Variants in GBP7 observed in about 807,000 individuals in gnomAD.
GBP7 encodes guanylate-binding protein 7.
In GBP7, 43 loss-of-function variants were observed where a neutral mutation model predicts 61.3. The ratio of observed to expected loss-of-function variants is 0.70; its 90% CI spans 0.55 to 0.91. The LOEUF is 0.91. GBP7 is among the 40% of genes least tolerant of loss of function. GBP7 has a pLI of 0.00. For missense variants in GBP7, 717 were observed against 740.5 expected (o/e 0.97, Z 0.37); for synonymous variants, 267 against 271.0 (o/e 0.99, Z 0.14).
chr1:89,140,491 A>G (rs1681913764), intron 9 of GBP7, among the ~76,000 whole-genome samples: 1 of 152,054 alleles, frequency 6.6e-6, no homozygotes, highest in Admixed American at 6.6e-5. Flanking sequence ...GGTAGAAAGC[A>G]CATGAGATAT....
In GBP7 at chr1:89,164,952, G is replaced by A; in HGVS notation, c.191-94C>T. On this transcript the variant is annotated intron_variant, in intron 2 of 10. Coordinates refer to ENST00000294671, the MANE Select transcript of GBP7 (RefSeq NM_207398.3). ...AAATGTATAGGAACGTTAAGTTCCT[G>A]GCAGGGGAAACGGGTTGCTTCCATT... 4 of 1,269,166 alleles carry A rather than the reference G, an allele frequency of 3.2e-6. No homozygotes were observed. The South Asian group carries it at 4.1e-5, about 13-fold the overall frequency. The allele number at this position is 1,269,166 out of a possible 1,614,324, so 78.6% of individuals were successfully genotyped here.
intron 3 of GBP7, among the ~76,000 whole-genome samples, chr1:89,159,125 T>C (rs1682378485): frequency 6.6e-6 from 1 of 152,212 alleles, no homozygotes; most frequent in Non-Finnish European, 1.5e-5. Flanking sequence ...GATTCCCTAT[T>C]TGATAAATGG....
At chr1:89,161,354 C>A (rs1010483225) in intron 3 of GBP7, among the ~76,000 whole-genome samples, 1 of 152,134 alleles carries the variant, frequency 6.6e-6, no homozygotes, top group Non-Finnish European at 1.5e-5. Context: ...GCCACACTGT[C>A]TCCCACAATG....
chr1:89,172,373 A>G (rs1207564620), intron 1 of GBP7, among the ~76,000 whole-genome samples: 1 of 152,044 alleles, frequency 6.6e-6, no homozygotes, highest in Non-Finnish European at 1.5e-5. Context: ...TTTAGTCATT[A>G]TGTTTCTGTA....
At chr1:89,156,196 G>C (rs534074449) in intron 3 of GBP7, among the ~76,000 whole-genome samples, 121 of 152,328 alleles carry the variant, frequency 7.9e-4, no homozygotes, top group Non-Finnish European at 1.6e-3. Context: ...AAGAACTCCT[G>C]AAGGAAGCAC....
chr1:89,168,768 C>G (rs1647511455), intron 2 of GBP7, among the ~76,000 whole-genome samples: 1 of 150,282 alleles, frequency 6.7e-6, no homozygotes, highest in African/African-American at 2.5e-5. Context: ...AACCCTGTCT[C>G]TACTAAAAAT....
intron 3 of GBP7, among the ~76,000 whole-genome samples, chr1:89,163,473 A>G (rs1285944327): frequency 4.0e-5 from 6 of 151,434 alleles, no homozygotes; most frequent in African/African-American, 1.5e-4. Context: ...TCAGGGATTC[A>G]ATTTCTTCCC....
chr1:89,150,191 G>T, intron 6 of GBP7, 139 bp downstream of exon 6: 4 of 758,294 alleles, frequency 5.3e-6, no homozygotes, highest in Non-Finnish European at 8.6e-6. Context: ...CCCTCACTGA[G>T]AAAAAATCCT....
At position 89,164,915 on chromosome 1, in the gene GBP7, C is replaced by T. The variant is rs1647380793; in HGVS notation, c.191-57G>A. On this transcript the variant is annotated intron_variant, in intron 2 of 10. Transcript: ENST00000294671. ...GACAGCAGAATCCAGGCAGACAAGG[C>T]CTATACCAGTTAAATGTATAGGAAC... 2.5e-6 allele frequency: 4 copies of T among 1,572,862 alleles called. No individual in the cohort carries two copies. In the East Asian group the frequency reaches 9.1e-5, roughly 36 times the overall value.
Position 89,171,931 on chromosome 1 carries a change from G to A in GBP7, c.5C>T (p.Ala2Val), listed in dbSNP as rs763770450. The A allele has an allele frequency of 1.5e-5, 24 of 1,611,656 alleles. No individual in the cohort carries two copies. The South Asian group carries it at 2.2e-4, about 15-fold the overall frequency. The change falls in exon 2 of 11, where the codon GCA becomes GTA. Residue 2 changes from alanine (A) to valine (V), a missense_variant. Physicochemically the swap from Ala to Val is moderately conservative, Grantham distance 64. Around this residue, in one of 3 missense-constraint regions of GBP7, gnomAD observed 387 missense variants for 385.2 expected, o/e 1.00. Coordinates refer to ENST00000294671, the MANE Select transcript of GBP7 (RefSeq NM_207398.3). M[A>V]SEIHMPGPVC... ...TGGGCCTGGCATGTGGATCTCTGAT[G>A]CCATGTTCAGGGCGTTCCTCTGTCT... is the stretch of plus-strand genomic sequence containing the variant.
At chr1:89,133,741 T>C (rs553794775) in intron 9 of GBP7, among the ~76,000 whole-genome samples, 114 of 152,234 alleles carry the variant, frequency 7.5e-4, no homozygotes, top group African/African-American at 2.6e-3. Flanking sequence ...TGAGGTAAAT[T>C]GGTGCGAAGT....
chr1:89,133,299 A>AT lies in GBP7; in HGVS notation c.1620_1621insA (p.Tyr541IlefsTer22). On this transcript the variant is annotated frameshift_variant, in exon 10 of 11. Transcript: ENST00000294671. LOFTEE classifies it low-confidence loss of function (END_TRUNC). ...AACATCTTTCTCAGTTCTCTCATAT[A>AT]GTTTTCCCTTTCCCTCTCCATCTTC... 1 of 1,276,266 alleles carries AT rather than the reference A, an allele frequency of 7.8e-7. No individual in the cohort carries two copies. The highest frequency in any genetic ancestry group is 1.1e-6 in the Non-Finnish European group (1 of 901,736). 79.1% of individuals were successfully genotyped at this position (1,276,266 alleles called of 1,614,324 possible).
intron 2 of GBP7, among the ~76,000 whole-genome samples, chr1:89,168,258 A>G (rs77524834): frequency 0.019 from 2,968 of 152,250 alleles, 35 homozygotes; most frequent in Middle Eastern, 0.048. Context: ...AAAGAACTAG[A>G]TAAGTATTTA....
chr1:89,132,959 C>T (rs764189192), intron 10 of GBP7, among the ~76,000 whole-genome samples: 6 of 152,116 alleles, frequency 3.9e-5, no homozygotes, highest in Admixed American at 1.3e-4. Flanking sequence ...ATCCTAAGGG[C>T]TGGTGGACTA....
intron 5 of GBP7, 119 bp from the exon 6 acceptor site, chr1:89,150,694 T>G (rs1421612027): frequency 9.6e-7 from 1 of 1,043,094 alleles, no homozygotes; most frequent in African/African-American, 1.6e-5. Flanking sequence ...GAATCTACTC[T>G]ATGTAATCAA....
At chr1:89,147,828 G>A in intron 7 of GBP7, 49 bp from the exon 8 acceptor site, 1 of 1,589,766 alleles carries the variant, frequency 6.3e-7, no homozygotes, top group African/African-American at 1.3e-5. Context: ...TGTTAGAAGG[G>A]AAGGTCCAAC....
At chr1:89,133,121 T>C in intron 10 of GBP7, 137 bp downstream of exon 10, 2 of 678,348 alleles carry the variant, frequency 2.9e-6, no homozygotes, top group South Asian at 3.7e-5. Flanking sequence ...GTAGAATTCA[T>C]ATGTATTTGA....
At chr1:89,138,348 G>T (rs575190734) in intron 9 of GBP7, among the ~76,000 whole-genome samples, 1 of 151,936 alleles carries the variant, frequency 6.6e-6, no homozygotes, top group Admixed American at 6.6e-5. Context: ...AAAAAACCCC[G>T]AGTAGCCAAG....
At chr1:89,136,959 A>T (rs779763216) in intron 9 of GBP7, among the ~76,000 whole-genome samples, 2 of 152,138 alleles carry the variant, frequency 1.3e-5, no homozygotes, top group African/African-American at 2.4e-5. Flanking sequence ...CAATAAAAAA[A>T]TGGCAAAAGG....
Sources: gnomAD v4.1 joint callset for allele counts (sites outside exome capture counted in the v4.1 genomes callset) on GRCh38, gnomAD v4.1.1 for gene constraint, gnomAD v4.1.1 regional missense constraint, MANE v1.5 for transcripts, NCBI Gene and HGNC (gene_info 2026-07-23, HGNC 2026-07-21) for gene names.